IL1RAPL1: variants seen among roughly 807,000 people sequenced by gnomAD.
The protein encoded by IL1RAPL1 is interleukin-1 receptor accessory protein-like 1.
A neutral mutation model predicts 48.4 loss-of-function variants in IL1RAPL1; 3 were observed. That is an observed-to-expected ratio of 0.06 (90% CI 0.03 to 0.16). The LOEUF is 0.16. Ranked by LOEUF, IL1RAPL1 falls within the 10% of genes least tolerant of loss-of-function variation. IL1RAPL1 has a pLI of 1.00. For missense variants in IL1RAPL1, 349 were observed against 530.6 expected, an observed-to-expected ratio of 0.66 and a Z score of 3.36; for synonymous variants, 185 against 187.7, an observed-to-expected ratio of 0.99 and a Z score of 0.12.
intron 1 of IL1RAPL1, among the ~76,000 whole-genome samples, chrX:28,742,089 G>A (rs904915444): frequency 3.6e-5 from 4 of 111,210 alleles, no homozygotes; most frequent in African/African-American, 1.3e-4. Flanking sequence ...AGAACGTCTC[G>A]TTGGGACATG....
intron 2 of IL1RAPL1, among the ~76,000 whole-genome samples, chrX:28,865,412 C>T (rs1332648245): frequency 9.8e-6 from 1 of 101,551 alleles, no homozygotes; most frequent in Non-Finnish European, 2.0e-5. Context: ...GTACTCCAGC[C>T]TGGGTGACAG....
Position 28,616,277 on chromosome X carries a change from G to A in IL1RAPL1, c.-25+28230G>A, listed in dbSNP as rs185720539. On this transcript the variant is annotated intron_variant, in intron 1 of 10. Transcript: ENST00000378993. ...ATGTAGACTTCTTACAGGCTCCATG[G>A]AGACTTCTCACCACTTCTGTTTTCT... is the stretch of plus-strand genomic sequence containing the variant. 3.6e-3 allele frequency among the ~76,000 whole-genome samples: 402 copies of A among 112,182 alleles called. 1 individual carries two copies. Among genetic ancestry groups the A allele is most frequent in the Non-Finnish European group, 5.8e-3 (307 of 53,260 alleles).
chrX:29,751,167 G>A (rs1294750370), intron 6 of IL1RAPL1, among the ~76,000 whole-genome samples: 1 of 111,206 alleles, frequency 9.0e-6, no homozygotes, highest in Non-Finnish European at 1.9e-5. Context: ...ATCAGAGCAA[G>A]TCATCATCTA....
At chrX:28,868,395 G>A (rs1204155054) in intron 2 of IL1RAPL1, among the ~76,000 whole-genome samples, 1 of 109,211 alleles carries the variant, frequency 9.2e-6, no homozygotes, top group Non-Finnish European at 1.9e-5. Context: ...CTCACATTTA[G>A]TTTATACTTT....
At chrX:29,307,556 T>C (rs1487882551) in intron 3 of IL1RAPL1, among the ~76,000 whole-genome samples, 1 of 111,967 alleles carries the variant, frequency 8.9e-6, no homozygotes, top group African/African-American at 3.2e-5. Flanking sequence ...GAACTATACA[T>C]AGCATAAATG....
intron 5 of IL1RAPL1, among the ~76,000 whole-genome samples, chrX:29,641,312 C>T (rs1394371801): frequency 1.8e-5 from 2 of 113,062 alleles, no homozygotes; most frequent in Non-Finnish European, 3.7e-5. Context: ...TCTGTTATTT[C>T]CTTAGCCGAT....
intron 2 of IL1RAPL1, among the ~76,000 whole-genome samples, chrX:29,158,781 C>G (rs745393173): frequency 2.7e-5 from 3 of 111,426 alleles, no homozygotes; most frequent in Non-Finnish European, 5.6e-5. Context: ...TGACACACAT[C>G]TTTTAAAAAT....
At chrX:29,924,694 T>C (rs1932871906) in intron 8 of IL1RAPL1, among the ~76,000 whole-genome samples, 1 of 111,942 alleles carries the variant, frequency 8.9e-6, no homozygotes, top group South Asian at 3.7e-4. Context: ...TACAAAAATA[T>C]GGCAATTCAT....
chrX:29,337,166 A>G (rs887893877), intron 3 of IL1RAPL1, among the ~76,000 whole-genome samples: 3 of 111,863 alleles, frequency 2.7e-5, no homozygotes, highest in Non-Finnish European at 5.6e-5. Flanking sequence ...TGGACATTTT[A>G]CTGCATTGCC....
chrX:28,873,523 C>CTTTTT (rs10554661), intron 2 of IL1RAPL1, among the ~76,000 whole-genome samples: 37 of 56,660 alleles, frequency 6.5e-4, no homozygotes, highest in Non-Finnish European at 8.9e-4. Flanking sequence ...TTCTTTCTTT[C>CTTTTT]TTTTTTTTTT....
chrX:29,162,916 A>T (rs1929715599), intron 2 of IL1RAPL1, among the ~76,000 whole-genome samples: 1 of 109,527 alleles, frequency 9.1e-6, no homozygotes, highest in Non-Finnish European at 1.9e-5. Flanking sequence ...TACTAAAAAT[A>T]CAAAAAATTA....
chrX:29,659,490 G>A (rs770286235), intron 5 of IL1RAPL1, among the ~76,000 whole-genome samples: 5 of 111,928 alleles, frequency 4.5e-5, no homozygotes, highest in Non-Finnish European at 9.4e-5. Context: ...ACTACTTTAC[G>A]TTTCCACCAA....
intron 2 of IL1RAPL1, among the ~76,000 whole-genome samples, chrX:29,109,728 C>T (rs1267389985): frequency 9.0e-6 from 1 of 111,386 alleles, no homozygotes; most frequent in Non-Finnish European, 1.9e-5. Context: ...TATCTAAGTT[C>T]AATGATATTC....
intron 1 of IL1RAPL1, among the ~76,000 whole-genome samples, chrX:28,600,214 T>A (rs187116952): frequency 8.8e-4 from 99 of 111,964 alleles, no homozygotes; most frequent in African/African-American, 2.9e-3. Context: ...TCGTAAACAT[T>A]TGTTTAAAGA....
chrX:29,254,500 G>A (rs1468407701), intron 2 of IL1RAPL1, among the ~76,000 whole-genome samples: 2 of 109,532 alleles, frequency 1.8e-5, no homozygotes, highest in African/African-American at 3.3e-5. Flanking sequence ...AGAGGAGAAG[G>A]GAGAGAGAGA....
chrX:29,919,929 T>C lies in IL1RAPL1; in HGVS notation c.912-20T>C, dbSNP rs1009288428. 5 of 1,204,909 alleles carry C rather than the reference T, an allele frequency of 4.1e-6. No individual in the cohort carries two copies. Among genetic ancestry groups the C allele is most frequent in the Non-Finnish European group, 5.6e-6 (5 of 890,207 alleles). ...TGTGTCTGTTTGTGTGGATTTTTGT[T>C]TTGTTGCTTTACATTTTAGAATTCT... On this transcript the variant is annotated intron_variant, in intron 7 of 10. Coordinates refer to ENST00000378993, the MANE Select transcript of IL1RAPL1 (RefSeq NM_014271.4).
chrX:29,618,514 G>A (rs1206891578), intron 5 of IL1RAPL1, among the ~76,000 whole-genome samples: 1 of 111,506 alleles, frequency 9.0e-6, no homozygotes. Context: ...CCCTCCGGAG[G>A]ATCTAGGGGA....
intron 2 of IL1RAPL1, among the ~76,000 whole-genome samples, chrX:29,053,290 T>C (rs747236691): frequency 2.0e-4 from 23 of 112,205 alleles, no homozygotes; most frequent in African/African-American, 7.1e-4. Flanking sequence ...GATGGGCATT[T>C]AGGTTGATTC....
chrX:28,878,728 C>T (rs1569191406), intron 2 of IL1RAPL1, among the ~76,000 whole-genome samples: 1 of 111,155 alleles, frequency 9.0e-6, no homozygotes, highest in Admixed American at 9.6e-5. Context: ...CATCTTTAAC[C>T]ATCATTGTTT....
Sources: allele counts gnomAD v4.1 joint callset (sites outside exome capture counted in the v4.1 genomes callset), GRCh38; gene constraint gnomAD v4.1.1; transcripts MANE v1.5; gene names NCBI Gene and HGNC (gene_info 2026-07-23, HGNC 2026-07-21).